TTLL7: variants seen among roughly 807,000 people sequenced by gnomAD.
TTLL7 encodes the protein tubulin polyglutamylase TTLL7.
Under a neutral mutation model 120.2 loss-of-function variants are expected in TTLL7, and 53 were observed. The ratio of observed to expected loss-of-function variants is 0.44; its 90% CI spans 0.35 to 0.55. The LOEUF is 0.55. Ranked by LOEUF, TTLL7 falls within the 20% of genes least tolerant of loss-of-function variation. The pLI is 0.00. For synonymous variants in TTLL7, 353 were observed against 351.7 expected (o/e 1.00, Z -0.04); for missense variants, 803 against 1,054.7 (o/e 0.76, Z 3.31).
chr1:83,941,200 C>G lies in TTLL7; in HGVS notation c.723+1263G>C, dbSNP rs568024528. ...TCTCCAACTGGGCTATGTGCCCCTG[C>G]TATGCACTGCCACAGCACCCTCAGT... On this transcript the variant is annotated intron_variant, in intron 7 of 20. Coordinates refer to ENST00000260505, the MANE Select transcript of TTLL7 (RefSeq NM_024686.6). Among the ~76,000 whole-genome samples, 8 of 152,360 alleles carry G rather than the reference C, an allele frequency of 5.3e-5. No homozygotes were observed. The East Asian group carries it at 9.6e-4, about 18-fold the overall frequency.
chr1:83,997,804 T>C (rs1653621777), intron 1 of TTLL7, among the ~76,000 whole-genome samples: 1 of 152,236 alleles, frequency 6.6e-6, no homozygotes, highest in African/African-American at 2.4e-5. Flanking sequence ...CTTACGTTTT[T>C]AATCGACTTC....
At chr1:83,872,856 C>G (rs1653562621) in intron 20 of TTLL7, among the ~76,000 whole-genome samples, 1 of 152,134 alleles carries the variant, frequency 6.6e-6, no homozygotes, top group South Asian at 2.1e-4. Context: ...TTACTGTTAG[C>G]TCCATTTTAC....
chr1:83,899,418 T>C (rs2100748625), intron 18 of TTLL7, among the ~76,000 whole-genome samples: 1 of 151,902 alleles, frequency 6.6e-6, no homozygotes, highest in East Asian at 1.9e-4. Context: ...AGCCTAGGAG[T>C]AGCATTCCTC....
Position 83,942,467 on chromosome 1 carries a change from T to C in TTLL7, c.719A>G (p.Asn240Ser), listed in dbSNP as rs1332690445. 1.9e-6 allele frequency: 3 copies of C among 1,612,744 alleles called. No individual in the cohort carries two copies. The highest frequency in any genetic ancestry group is 2.5e-6 in the Non-Finnish European group (3 of 1,178,936). ...TEKYIPPNESNLTQLYMHLTN... is the reference protein window; with the variant it reads ...TEKYIPPNESSLTQLYMHLTN... ...GCTCTGTCTGGTATCACTTACCAAATTGGACTCATTAGGTGGAATGTACTT... is the reference window on the plus strand; with the variant it reads ...GCTCTGTCTGGTATCACTTACCAAACTGGACTCATTAGGTGGAATGTACTT... The change falls in exon 7 of 21, where the codon AAT (asparagine) becomes AGT (serine). Residue 240 changes from asparagine to serine, a missense_variant. Around this residue, in one of 3 missense-constraint regions of TTLL7, gnomAD observed 324 missense variants for 507.7 expected, o/e 0.64. Coordinates refer to ENST00000260505, the MANE Select transcript of TTLL7 (RefSeq NM_024686.6).
chr1:83,884,430 A>G (rs1393824131), intron 19 of TTLL7, among the ~76,000 whole-genome samples: 1 of 151,896 alleles, frequency 6.6e-6, no homozygotes, highest in Non-Finnish European at 1.5e-5. Context: ...TTAGAAATAG[A>G]AATGTATTTT....
At chr1:83,956,100 TA>T (rs914501825) in intron 1 of TTLL7, among the ~76,000 whole-genome samples, 5 of 152,092 alleles carry the variant, frequency 3.3e-5, no homozygotes, top group African/African-American at 9.7e-5. Flanking sequence ...CTTTTCACTT[TA>T]AAAAAATTTT....
intron 19 of TTLL7, among the ~76,000 whole-genome samples, chr1:83,885,261 A>G (rs1654883647): frequency 1.3e-5 from 2 of 151,934 alleles, no homozygotes; most frequent in African/African-American, 4.8e-5. Context: ...ATAAAAGTCT[A>G]CCTCCATCAC....
chr1:83,890,289 A>T (rs779506820), intron 19 of TTLL7, 32 bp downstream of exon 19: 3 of 1,567,882 alleles, frequency 1.9e-6, no homozygotes, highest in South Asian at 1.2e-5. Flanking sequence ...AATATTAAAA[A>T]TGACGATAAT....
chr1:83,911,018 G>A (rs183066592), intron 15 of TTLL7, 147 bp downstream of exon 15: 64 of 642,478 alleles, frequency 1.0e-4, no homozygotes, highest in South Asian at 7.3e-4. Context: ...GGATGTGCCC[G>A]AGTCTGGTTA....
At chr1:83,945,659 C>T (rs879425138) in intron 6 of TTLL7, among the ~76,000 whole-genome samples, 34 of 152,016 alleles carry the variant, frequency 2.2e-4, no homozygotes, top group Non-Finnish European at 4.0e-4. Context: ...ACATAATGCC[C>T]TTTCAGTTAT....
chr1:83,914,479 A>G (rs577991498), intron 14 of TTLL7, among the ~76,000 whole-genome samples: 36 of 151,784 alleles, frequency 2.4e-4, no homozygotes, highest in African/African-American at 7.7e-4. Context: ...CTACAGGCGC[A>G]TGCCACCACA....
At chr1:83,876,580 G>A (rs1347683144) in intron 20 of TTLL7, among the ~76,000 whole-genome samples, 2 of 151,930 alleles carry the variant, frequency 1.3e-5, no homozygotes, top group African/African-American at 4.8e-5. Flanking sequence ...TGAGTGCAAT[G>A]ATGAATAAGA....
At chr1:83,925,844 G>A (rs1451589591) in intron 10 of TTLL7, among the ~76,000 whole-genome samples, 2 of 152,046 alleles carry the variant, frequency 1.3e-5, no homozygotes, top group East Asian at 3.9e-4. Context: ...CCAGTAGGCT[G>A]GGCACAGTGG....
intron 18 of TTLL7, among the ~76,000 whole-genome samples, chr1:83,902,894 CCT>C (rs1322102451): frequency 3.3e-5 from 5 of 151,894 alleles, no homozygotes; most frequent in African/African-American, 7.2e-5. Flanking sequence ...AAACCCTCCC[CCT>C]CTTTCTCCAG....
intron 7 of TTLL7, among the ~76,000 whole-genome samples, chr1:83,940,181 A>C (rs562752973): frequency 1.3e-5 from 2 of 152,264 alleles, no homozygotes; most frequent in East Asian, 3.9e-4. Context: ...CTTTGAGATT[A>C]ATCCCACTGG....
intron 20 of TTLL7, 199 bp downstream of exon 20, chr1:83,882,764 G>A (rs1482442756): frequency 8.3e-6 from 4 of 481,686 alleles, no homozygotes; most frequent in Admixed American, 4.2e-5. Context: ...CTTTAGGTTC[G>A]TGATTGCTGT....
rs1282838932 is a variant in TTLL7 at position 83,907,434 on chromosome 1, AAGAGCAAAAC to A, written c.1992+12_1992+21del. The A allele has an allele frequency of 6.2e-7, 1 of 1,609,456 alleles. No individual in the cohort carries two copies. Among genetic ancestry groups the A allele is most frequent in the Non-Finnish European group, 8.5e-7 (1 of 1,176,988 alleles). ...AGTACAGAGCTCCCTGTAATCTTGAAAGAGCAAAACAGATGACCTACCACTTGAGAGTTGG... is the reference window on the plus strand; with the variant it reads ...AGTACAGAGCTCCCTGTAATCTTGAAAGATGACCTACCACTTGAGAGTTGG... On this transcript the variant is annotated intron_variant, in intron 16 of 20. Transcript: ENST00000260505.
intron 1 of TTLL7, among the ~76,000 whole-genome samples, chr1:83,992,445 AAAAAAAAC>A (rs1653087255): frequency 6.6e-6 from 1 of 152,092 alleles, no homozygotes; most frequent in Non-Finnish European, 1.5e-5. Context: ...CTCTAAAGAA[AAAAAAAAC>A]AAAAGGACTA....
intron 13 of TTLL7, among the ~76,000 whole-genome samples, chr1:83,919,211 T>C (rs981792421): frequency 1.3e-5 from 2 of 151,904 alleles, no homozygotes; most frequent in African/African-American, 4.8e-5. Flanking sequence ...TGGTTTGTTA[T>C]GCTATAATAG....
Sources: gnomAD v4.1 joint callset for allele counts (sites outside exome capture counted in the v4.1 genomes callset) on GRCh38, gnomAD v4.1.1 for gene constraint, gnomAD v4.1.1 regional missense constraint, MANE v1.5 for transcripts, NCBI Gene and HGNC (gene_info 2026-07-23, HGNC 2026-07-21) for gene names.